The following SLC1A6 variants were observed in gnomAD, a reference collection of about 807,000 sequenced individuals.
SLC1A6 encodes excitatory amino acid transporter 4.
SLC1A6 carries 15 observed loss-of-function variants against 42.1 expected under a neutral mutation model. The observed-to-expected ratio is 0.36, with a 90% CI of 0.24 to 0.55. SLC1A6 has a LOEUF of 0.55. SLC1A6 is among the 20% of genes least tolerant of loss of function. The pLI, the probability that SLC1A6 is intolerant of heterozygous loss-of-function variation, is 0.88. For missense variants in SLC1A6, 542 were observed against 772.5 expected, an observed-to-expected ratio of 0.70 and a Z score of 3.54; for synonymous variants, 317 against 319.7, an observed-to-expected ratio of 0.99 and a Z score of 0.09.
chr19:15,009,676 A>T (rs1377663798), intron 1 of SLC1A6, among the ~76,000 whole-genome samples: 2 of 152,154 alleles, frequency 1.3e-5, no homozygotes, highest in African/African-American at 4.8e-5. Context: ...TATTTGGGTG[A>T]TGATTGCACT....
intron 3 of SLC1A6, among the ~76,000 whole-genome samples, chr19:14,968,851 AT>A (rs71168531): frequency 0.19 from 28,544 of 149,620 alleles, 3,117 homozygotes; most frequent in African/African-American, 0.3. Flanking sequence ...TAACCTAACT[AT>A]TTTTTTTTTG....
chr19:14,999,412 C>T (rs1353644977), intron 1 of SLC1A6, among the ~76,000 whole-genome samples: 1 of 152,268 alleles, frequency 6.6e-6, no homozygotes, highest in Middle Eastern at 3.4e-3. Context: ...CTTTCTGAGT[C>T]GACCCAATGT....
In SLC1A6 at chr19:14,954,264, G is replaced by A. The variant is rs1201703644; in HGVS notation, c.1235C>T (p.Thr412Ile). ...EEGLGVDRRI[T>I]RFVLPVGATV... ...GGCGCCCACGGGCAGGACGAACCTGGTGATGCGGCGGTCCACACCCAGGCC... is the reference window on the plus strand; with the variant it reads ...GGCGCCCACGGGCAGGACGAACCTGATGATGCGGCGGTCCACACCCAGGCC... Residue 412 changes from threonine to isoleucine, a missense_variant, in exon 8 of 10, where the codon ACC becomes ATC. Thr to Ile is a moderately conservative substitution (Grantham distance 89). This residue lies in a region of SLC1A6 where 298 missense variants were observed against 419.4 expected (regional missense o/e 0.71). Transcript: ENST00000594383. 6.2e-7 allele frequency: 1 copy of A among 1,613,640 alleles called. No homozygotes were observed. The highest frequency in any genetic ancestry group is 2.2e-5 in the East Asian group (1 of 44,898).
intron 2 of SLC1A6, 147 bp from the exon 3 acceptor site, chr19:14,972,021 T>C: frequency 2.9e-6 from 2 of 681,268 alleles, no homozygotes; most frequent in South Asian, 3.8e-5. Context: ...TGCACTGATG[T>C]GTGCAGACAT....
At chr19:14,969,788 G>A in intron 3 of SLC1A6, among the ~76,000 whole-genome samples, 1 of 152,138 alleles carries the variant, frequency 6.6e-6, no homozygotes, top group African/African-American at 2.4e-5. Context: ...GCCTGCTTTT[G>A]TAAATAAAGT....
intron 6 of SLC1A6, among the ~76,000 whole-genome samples, chr19:14,959,696 C>T (rs2145175397): frequency 6.6e-6 from 1 of 152,318 alleles, no homozygotes; most frequent in Middle Eastern, 3.4e-3. Context: ...CTGAATGCCC[C>T]ACCATTCTCC....
At chr19:15,005,740 C>T (rs2045893164) in intron 1 of SLC1A6, among the ~76,000 whole-genome samples, 2 of 152,302 alleles carry the variant, frequency 1.3e-5, no homozygotes, top group African/African-American at 2.4e-5. Context: ...ATACTAGCAG[C>T]GTGTTGGTGT....
chr19:14,952,499 A>G (rs998520616), intron 9 of SLC1A6, among the ~76,000 whole-genome samples: 1 of 151,336 alleles, frequency 6.6e-6, no homozygotes, highest in African/African-American at 2.4e-5. Context: ...ATCTCATCTC[A>G]CTGCTACCTC....
intron 3 of SLC1A6, 152 bp downstream of exon 3, chr19:14,971,585 T>G: frequency 1.4e-6 from 1 of 716,194 alleles, no homozygotes; most frequent in Non-Finnish European, 2.3e-6. Flanking sequence ...ACCTGGGCTT[T>G]GTTTGGCCAA....
chr19:15,004,061 C>G (rs1441565353), intron 1 of SLC1A6, among the ~76,000 whole-genome samples: 1 of 152,080 alleles, frequency 6.6e-6, no homozygotes, highest in African/African-American at 2.4e-5. Context: ...CAGGCTGAGG[C>G]AGGAGAATTG....
intron 1 of SLC1A6, among the ~76,000 whole-genome samples, chr19:14,988,811 A>G (rs2045804904): frequency 6.6e-6 from 1 of 152,130 alleles, no homozygotes; most frequent in African/African-American, 2.4e-5. Context: ...GCTCAGGAGT[A>G]GGAGACGACC....
In SLC1A6 at chr19:14,972,670, C is replaced by T. The variant is rs775028645; in HGVS notation, c.205+36G>A. ...GAATTTCCCTGAAGTCCCCGCCTTT[C>T]CCTGAAGTCCCCGCCCTCCAAGAGG... On this transcript the variant is annotated intron_variant, in intron 2 of 9. Coordinates refer to ENST00000594383, the MANE Select transcript of SLC1A6 (RefSeq NM_005071.3). 5.7e-6 allele frequency: 9 copies of T among 1,586,134 alleles called. No individual in the cohort carries two copies. In the East Asian group the frequency reaches 1.6e-4, roughly 28 times the overall value.
At position 14,985,363 on chromosome 19, in the gene SLC1A6, G is replaced by A. The variant is rs145005473; in HGVS notation, c.7-12446C>T. Among the ~76,000 whole-genome samples, 866 of 152,222 alleles carry A rather than the reference G, an allele frequency of 5.7e-3. 5 individuals are homozygous for A. The highest frequency in any genetic ancestry group is 9.4e-3 in the Non-Finnish European group (636 of 68,012). On this transcript the variant is annotated intron_variant, in intron 1 of 8. Transcript: ENST00000430939. ...GCCTAGTAGGAGGTGTTTTGGTCAC[G>A]GGGGTGGATTTTTTGTGAATGGCTT...
intron 1 of SLC1A6, among the ~76,000 whole-genome samples, chr19:15,000,898 A>G (rs2045869052): frequency 6.6e-6 from 1 of 152,244 alleles, no homozygotes; most frequent in African/African-American, 2.4e-5. Context: ...GAGGACTCCA[A>G]CATATCTTTT....
At chr19:14,993,392 G>A (rs2045830289) in intron 1 of SLC1A6, among the ~76,000 whole-genome samples, 1 of 151,946 alleles carries the variant, frequency 6.6e-6, no homozygotes, top group Non-Finnish European at 1.5e-5. Context: ...CACTGCAAAT[G>A]TACTAAAGTC....
intron 1 of SLC1A6, among the ~76,000 whole-genome samples, chr19:14,996,145 C>A (rs908176911): frequency 2.6e-5 from 4 of 152,174 alleles, no homozygotes; most frequent in African/African-American, 9.7e-5. Context: ...TAGAATCATG[C>A]CTACCTGCTA....
At chr19:14,950,841 AGG>A (rs1162082486) in intron 9 of SLC1A6, among the ~76,000 whole-genome samples, 1 of 151,802 alleles carries the variant, frequency 6.6e-6, no homozygotes, top group African/African-American at 2.4e-5. Context: ...GCTACTTGGG[AGG>A]CTGAGATGGC....
Position 14,978,983 on chromosome 19 carries a change from C to T in SLC1A6, c.-8+326G>A, listed in dbSNP as rs180822879. On this transcript the variant is annotated intron_variant, in intron 1 of 9. Coordinates refer to ENST00000594383, the MANE Select transcript of SLC1A6 (RefSeq NM_005071.3). Reference sequence around the variant, plus strand: ...TTTCAAAATCATCCTCACATTTAAACATTCAGCTCCACACACCTGTTCAGG... The same window carrying T: ...TTTCAAAATCATCCTCACATTTAAATATTCAGCTCCACACACCTGTTCAGG... Among the ~76,000 whole-genome samples, 283 of 150,844 alleles carry T rather than the reference C, an allele frequency of 1.9e-3. 2 individuals carry two copies. The highest frequency in any genetic ancestry group is 6.3e-3 in the African/African-American group (261 of 41,158).
At chr19:14,980,327 C>T (rs1208415298), upstream of SLC1A6, 2 of 152,216 alleles carry the variant, frequency 1.3e-5, no homozygotes. Context: ...TGGATAATGT[C>T]GTTCCTATTG....
Sources: gnomAD v4.1 joint callset for allele counts (sites outside exome capture counted in the v4.1 genomes callset) on GRCh38, gnomAD v4.1.1 for gene constraint, gnomAD v4.1.1 regional missense constraint, MANE v1.5 for transcripts, NCBI Gene and HGNC (gene_info 2026-07-23, HGNC 2026-07-21) for gene names.